ABL1: variants seen among roughly 807,000 people sequenced by gnomAD.
ABL1 encodes the protein tyrosine-protein kinase ABL1.
In ABL1, 11 loss-of-function variants were observed where a neutral mutation model predicts 94.7. That is an observed-to-expected ratio of 0.12 (90% CI 0.07 to 0.19). ABL1 has a LOEUF of 0.19. Among genes scored for constraint, ABL1 ranks in the 10% least tolerant of loss-of-function variants. ABL1 has a pLI of 1.00. For missense variants in ABL1, 1,082 were observed against 1,489.4 expected (o/e 0.73, Z 4.50); for synonymous variants, 656 against 622.4 (o/e 1.05, Z -0.80).
chr9:130,764,607 T>C (rs1015285636), intron 1 of ABL1, among the ~76,000 whole-genome samples: 3 of 152,184 alleles, frequency 2.0e-5, no homozygotes, highest in African/African-American at 7.2e-5. Flanking sequence ...AGGTCAGATA[T>C]GTTGTGTTTT....
intron 1 of ABL1, among the ~76,000 whole-genome samples, chr9:130,725,460 A>T (rs1831569294): frequency 6.6e-6 from 1 of 152,094 alleles, no homozygotes; most frequent in Non-Finnish European, 1.5e-5. Flanking sequence ...GGCTCACTGC[A>T]ACCTCTGCCT....
intron 1 of ABL1, among the ~76,000 whole-genome samples, chr9:130,827,426 A>C (rs1830440222): frequency 6.6e-6 from 1 of 152,134 alleles, no homozygotes; most frequent in African/African-American, 2.4e-5. Context: ...CGCATACAAA[A>C]CTAACAGTCA....
intron 1 of ABL1, among the ~76,000 whole-genome samples, chr9:130,719,468 G>T (rs1331039813): frequency 3.9e-5 from 6 of 152,114 alleles, no homozygotes; most frequent in Non-Finnish European, 4.4e-5. Context: ...GGTCGAGGTT[G>T]CAACGAGCTG....
chr9:130,856,044 T>C (rs1007281211), intron 3 of ABL1, among the ~76,000 whole-genome samples: 1 of 152,134 alleles, frequency 6.6e-6, no homozygotes, highest in African/African-American at 2.4e-5. Flanking sequence ...GCCTTCCGAG[T>C]AGTTGGGACC....
At chr9:130,821,228 C>T (rs540884425) in intron 1 of ABL1, among the ~76,000 whole-genome samples, 1 of 152,274 alleles carries the variant, frequency 6.6e-6, no homozygotes, top group South Asian at 2.1e-4. Context: ...CCGCACCTGG[C>T]CCCACAATCC....
intron 1 of ABL1, among the ~76,000 whole-genome samples, chr9:130,806,698 C>A (rs11793941): frequency 0.17 from 26,396 of 152,122 alleles, 2,588 homozygotes; most frequent in African/African-American, 0.27. Flanking sequence ...TTAATTTACA[C>A]AAATATAAGT....
chr9:130,875,767 G>C (rs1241563027), intron 7 of ABL1, among the ~76,000 whole-genome samples: 3 of 152,050 alleles, frequency 2.0e-5, no homozygotes. Context: ...CCTTCCATCA[G>C]TAGATACAAA....
intron 1 of ABL1, among the ~76,000 whole-genome samples, chr9:130,847,373 CT>C (rs111749969): frequency 1.1e-4 from 16 of 148,676 alleles, no homozygotes; most frequent in Admixed American, 1.3e-4. Flanking sequence ...GTTGGGGCAT[CT>C]TTTTTTTTTG....
At chr9:130,857,059 C>T (rs1210188520) in intron 3 of ABL1, among the ~76,000 whole-genome samples, 1 of 152,206 alleles carries the variant, frequency 6.6e-6, no homozygotes, top group African/African-American at 2.4e-5. Flanking sequence ...GTATGTAACG[C>T]ACTCTGATAG....
intron 10 of ABL1, among the ~76,000 whole-genome samples, chr9:130,883,610 C>T (rs934934864): frequency 5.9e-5 from 9 of 152,212 alleles, no homozygotes; most frequent in Admixed American, 1.3e-4. Flanking sequence ...AGGCAGCAGC[C>T]CCCCACCCAC....
rs1831532431 is a variant in ABL1 at position 130,884,597 on chromosome 9, G to A, written c.2307G>A (p.Glu769=). 6.2e-7 allele frequency: 1 copy of A among 1,613,292 alleles called. No homozygotes were observed. The highest frequency in any genetic ancestry group is 1.7e-5 in the Admixed American group (1 of 60,016). ...CTCTGCCTCGGAAGAGGGCAGGGGA[G>A]AACAGGTCTGACCAGGTGACCCGAG... The part of the protein sequence containing the change: ...KPALPRKRAG[E]NRSDQVTRGT... The change falls in exon 11 of 11, where the codon GAG becomes GAA. Residue 769 remains glutamate, a synonymous_variant. Coordinates refer to ENST00000318560, the MANE Select transcript of ABL1 (RefSeq NM_005157.6). The surrounding 1 kb of genome is among the most constrained non-coding windows in gnomAD (Gnocchi z 5.6).
chr9:130,853,518 G>A (rs577363434), intron 1 of ABL1, among the ~76,000 whole-genome samples: 22 of 150,854 alleles, frequency 1.5e-4, no homozygotes, highest in Non-Finnish European at 3.1e-4. Flanking sequence ...GGGTTCAAGC[G>A]ATTCTCCTGC....
At chr9:130,728,958 T>TA (rs1831627365) in intron 1 of ABL1, among the ~76,000 whole-genome samples, 1 of 152,196 alleles carries the variant, frequency 6.6e-6, no homozygotes, top group Non-Finnish European at 1.5e-5. Flanking sequence ...TCAATCTTGT[T>TA]ATCTTTCTTT....
At chr9:130,804,268 A>G (rs1474281447) in intron 1 of ABL1, among the ~76,000 whole-genome samples, 1 of 150,592 alleles carries the variant, frequency 6.6e-6, no homozygotes, top group East Asian at 1.9e-4. Flanking sequence ...CTGAGGCAGA[A>G]AAACGGCGTG....
At chr9:130,750,779 T>A (rs1317364894) in intron 1 of ABL1, among the ~76,000 whole-genome samples, 3 of 150,922 alleles carry the variant, frequency 2.0e-5, no homozygotes, top group African/African-American at 7.3e-5. Flanking sequence ...CCCGAGTAGC[T>A]GGGATTACAG....
intron 1 of ABL1, among the ~76,000 whole-genome samples, chr9:130,815,380 T>A (rs1830271256): frequency 1.3e-5 from 2 of 152,154 alleles, no homozygotes; most frequent in African/African-American, 2.4e-5. Context: ...TGTCCCCAGA[T>A]CTGATATAGT....
At chr9:130,879,236 C>T (rs1007911101) in intron 8 of ABL1, among the ~76,000 whole-genome samples, 1 of 152,202 alleles carries the variant, frequency 6.6e-6, no homozygotes, top group Non-Finnish European at 1.5e-5. Context: ...CTGTACTATG[C>T]ACACACAGGA....
chr9:130,763,156 C>T (rs1444682411), intron 1 of ABL1, among the ~76,000 whole-genome samples: 6 of 151,498 alleles, frequency 4.0e-5, no homozygotes, highest in Non-Finnish European at 8.8e-5. Flanking sequence ...TTCCCCTGCC[C>T]TGGGACATTT....
intron 1 of ABL1, among the ~76,000 whole-genome samples, chr9:130,818,632 T>C (rs1830320310): frequency 6.6e-6 from 1 of 152,226 alleles, no homozygotes; most frequent in African/African-American, 2.4e-5. Context: ...AGGCTTATAA[T>C]TCATTTCACA....
Sources: gnomAD v4.1 joint callset for allele counts (sites outside exome capture counted in the v4.1 genomes callset) on GRCh38, gnomAD v4.1.1 for gene constraint, Gnocchi (gnomAD v3.1) non-coding constraint, MANE v1.5 for transcripts, NCBI Gene and HGNC (gene_info 2026-07-23, HGNC 2026-07-21) for gene names.